ATP8B2: variants seen among roughly 807,000 people sequenced by gnomAD.
ATP8B2 encodes the protein ATPase phospholipid transporting 8B2, also known as phospholipid-transporting ATPase ID.
In ATP8B2, 70 loss-of-function variants were observed where a neutral mutation model predicts 133.4. The ratio of observed to expected loss-of-function variants is 0.52; its 90% CI spans 0.43 to 0.64. The LOEUF is 0.64. Among genes scored for constraint, ATP8B2 ranks in the 30% least tolerant of loss-of-function variants. The probability of loss-of-function intolerance (pLI) is 0.00; values close to 1 mark genes in which losing one functional copy is unlikely to be tolerated. For missense variants in ATP8B2, 1,101 were observed against 1,535.7 expected (o/e 0.72, Z 4.73); for synonymous variants, 517 against 589.5 (o/e 0.88, Z 1.78).
chr1:154,345,730 A>G lies in ATP8B2; in HGVS notation c.2695-70A>G, dbSNP rs1282898538. ...CTTAGGGTTCTCTGTATGTGACATC[A>G]GCTGTCTTCCTGTGCCTGATGTGTA... On this transcript the variant is annotated intron_variant, in intron 23 of 27. Transcript: ENST00000368489. The surrounding 1 kb of genome is among the most constrained non-coding windows in gnomAD (Gnocchi z 5.6). 3 of 1,440,976 alleles carry G rather than the reference A, an allele frequency of 2.1e-6. No homozygotes were observed. The highest frequency in any genetic ancestry group is 2.9e-6 in the Non-Finnish European group (3 of 1,024,462). The allele number at this position is 1,440,976 out of a possible 1,614,324, so 89.3% of individuals were successfully genotyped here.
rs1686432796 is a variant in ATP8B2, at chr1:154,342,856, G to A, written c.1348G>A (p.Asp450Asn). 1 of 1,614,004 alleles carries A rather than the reference G, an allele frequency of 6.2e-7. No homozygotes were observed. The highest frequency in any genetic ancestry group is 1.1e-5 in the South Asian group (1 of 91,084). The part of the protein sequence containing the change: ...PLADKKFLFW[D>N]PSLLEAVKIG... ...GGCTGACAAGAAGTTCTTATTTTGGGACCCCAGCCTGCTGGAGGCTGTCAA... is the reference window on the plus strand; with the variant it reads ...GGCTGACAAGAAGTTCTTATTTTGGAACCCCAGCCTGCTGGAGGCTGTCAA... The change falls in exon 15 of 28, where the codon GAC becomes AAC. Residue 450 changes from aspartate to asparagine, a missense_variant. Transcript: ENST00000368489.
At position 154,328,782 on chromosome 1, in the gene ATP8B2, C is replaced by A; in HGVS notation, c.31+610C>A. On this transcript the variant is annotated intron_variant, in intron 2 of 27. Transcript: ENST00000368489. The surrounding 1 kb of genome is among the most constrained non-coding windows in gnomAD (Gnocchi z 4.6). ...ATCCGCCGGGGGGCATGGGGGGCGG[C>A]GGCGGCGGCGCAGCTGAGCTCGCGG... The A allele has an allele frequency of 1.0e-6, 1 of 1,002,076 alleles. No homozygotes were observed. The highest frequency in any genetic ancestry group is 1.2e-6 in the Non-Finnish European group (1 of 842,254). 62.1% of individuals were successfully genotyped at this position (1,002,076 alleles called of 1,614,324 possible).
chr1:154,344,487 C>T lies in ATP8B2; in HGVS notation c.2128C>T (p.Arg710Trp), dbSNP rs375163330. 6.2e-6 allele frequency: 10 copies of T among 1,614,074 alleles called. No homozygotes were observed. The highest frequency in any genetic ancestry group is 1.3e-5 in the African/African-American group (1 of 74,998). The change falls in exon 20 of 28, where the codon CGG (arginine) becomes TGG (tryptophan). Residue 710 changes from arginine to tryptophan, a missense_variant. By Grantham distance (101) the Arg-to-Trp change is moderately radical. Coordinates refer to ENST00000368489, the MANE Select transcript of ATP8B2 (RefSeq NM_001370597.1). This position sits in a 1 kb window ranked among gnomAD's most constrained non-coding sequence, Gnocchi z 4.1. ...CACTGGCCATACTGTCCTGGAGGTG[C>T]GGGAGGAGCTCAGGTAAACAAGAAG... is the stretch of plus-strand genomic sequence containing the variant. The part of the protein sequence containing the change: ...IVTGHTVLEV[R>W]EELRKAREKM...
chr1:154,333,950 C>G (rs1027122034), intron 9 of ATP8B2, among the ~76,000 whole-genome samples, 157 bp from the exon 10 acceptor site: 15 of 152,224 alleles, frequency 9.9e-5, no homozygotes, highest in African/African-American at 3.6e-4. Context: ...CATTATTTTC[C>G]TGAAGAGTTG....
chr1:154,342,306 C>T (rs1022584393), intron 13 of ATP8B2, among the ~76,000 whole-genome samples, 174 bp from the exon 14 acceptor site: 1 of 152,014 alleles, frequency 6.6e-6, no homozygotes, highest in Admixed American at 6.6e-5. Flanking sequence ...GTGCCTGATG[C>T]CTCCTATCCC....
chr1:154,329,352 G>A (rs1039469116), intron 2 of ATP8B2, among the ~76,000 whole-genome samples: 3 of 152,200 alleles, frequency 2.0e-5, no homozygotes, highest in Non-Finnish European at 2.9e-5. Context: ...TGTTACTGCA[G>A]TGTGCTCTGC....
chr1:154,348,377 C>T, intron 26 of ATP8B2, 31 bp from the exon 27 acceptor site: 1 of 1,583,768 alleles, frequency 6.3e-7, no homozygotes. Flanking sequence ...CCTCGTGACT[C>T]CCAAGGCCAC....
chr1:154,348,872 G>A lies in ATP8B2; in HGVS notation c.3327G>A (p.Gln1109=), dbSNP rs1425626756. 1 of 1,609,782 alleles carries A rather than the reference G, an allele frequency of 6.2e-7. No individual in the cohort carries two copies. Among genetic ancestry groups the A allele is most frequent in the Admixed American group, 1.7e-5 (1 of 59,858 alleles). ...ACACACAGCTCGTGAGGAAGAAGCA[G>A]AAGGCCCAGCACCGCTGCATGCGGC... The part of the protein sequence containing the change: ...VRYTQLVRKK[Q]KAQHRCMRRV... The change falls in exon 28 of 28, where the codon CAG becomes CAA. Residue 1109 remains glutamine, a synonymous_variant. Coordinates refer to ENST00000368489, the MANE Select transcript of ATP8B2 (RefSeq NM_001370597.1).
chr1:154,345,645 C>A lies in ATP8B2; in HGVS notation c.2694+100C>A. 1 of 1,322,946 alleles carries A rather than the reference C, an allele frequency of 7.6e-7. No individual in the cohort carries two copies. Among genetic ancestry groups the A allele is most frequent in the Non-Finnish European group, 1.1e-6 (1 of 942,706 alleles). 82.0% of individuals were successfully genotyped at this position (1,322,946 alleles called of 1,614,324 possible). ...CAGTCCCCCAGGGCCTAGCTATTTTCTGGTACATACTCTTAAAAAATGCTT... is the reference window on the plus strand; with the variant it reads ...CAGTCCCCCAGGGCCTAGCTATTTTATGGTACATACTCTTAAAAAATGCTT... On this transcript the variant is annotated intron_variant, in intron 23 of 27. Coordinates refer to ENST00000368489, the MANE Select transcript of ATP8B2 (RefSeq NM_001370597.1). This position sits in a 1 kb window ranked among gnomAD's most constrained non-coding sequence, Gnocchi z 5.6.
intron 13 of ATP8B2, 149 bp downstream of exon 13, chr1:154,341,211 A>G: frequency 4.9e-6 from 4 of 818,638 alleles, no homozygotes; most frequent in Non-Finnish European, 8.1e-6. Context: ...CTGGCCAGGC[A>G]CGGTGGCTCA....
At position 154,330,458 on chromosome 1, in the gene ATP8B2, A is replaced by T; in HGVS notation, c.90+4A>T. On this transcript the variant is annotated splice_donor_region_variant and intron_variant, in intron 3 of 27. Coordinates refer to ENST00000368489, the MANE Select transcript of ATP8B2 (RefSeq NM_001370597.1). ...CAATGAGAAATTCCAGTATGCGGTAAGCGACTCTAGACCACCTGTTCCCTC... is the reference window on the plus strand; with the variant it reads ...CAATGAGAAATTCCAGTATGCGGTATGCGACTCTAGACCACCTGTTCCCTC... The T allele has an allele frequency of 6.3e-7, 1 of 1,592,666 alleles. No homozygotes were observed. The highest frequency in any genetic ancestry group is 8.6e-7 in the Non-Finnish European group (1 of 1,163,826).
At chr1:154,330,540 G>C (rs1685948637) in intron 3 of ATP8B2, 86 bp downstream of exon 3, 6 of 1,439,746 alleles carry the variant, frequency 4.2e-6, no homozygotes, top group Non-Finnish European at 4.8e-6. Flanking sequence ...ACTGAGGGCT[G>C]CCTGGGAAGA....
In ATP8B2 at chr1:154,344,055, A is replaced by T. The variant is rs949587908; in HGVS notation, c.1921A>T (p.Met641Leu). Residue 641 changes from methionine to leucine, a missense_variant and splice_region_variant, in exon 18 of 28, where the codon ATG becomes TTG. By Grantham distance (15) the Met-to-Leu change is conservative. Transcript: ENST00000368489. The surrounding 1 kb of genome is among the most constrained non-coding windows in gnomAD (Gnocchi z 4.1). Reference protein sequence around the residue: ...SIYEEVENNMMLLGATAIEDK... With the variant: ...SIYEEVENNMLLLGATAIEDK... ...CTATGAGGAGGTTGAGAACAACATG[A>T]TGGTACGGGCTGCGGGACGGGCCAA... 2 of 1,613,948 alleles carry T rather than the reference A, an allele frequency of 1.2e-6. No individual in the cohort carries two copies.
intron 11 of ATP8B2, among the ~76,000 whole-genome samples, chr1:154,336,303 T>C (rs1686176908): frequency 6.6e-6 from 1 of 152,090 alleles, no homozygotes; most frequent in African/African-American, 2.4e-5. Flanking sequence ...TGATAATTGG[T>C]GACAGACTAG....
chr1:154,337,320 C>G (rs1368646723), intron 11 of ATP8B2, 28 bp from the exon 12 acceptor site: 2 of 1,595,182 alleles, frequency 1.3e-6, no homozygotes, highest in African/African-American at 2.7e-5. Flanking sequence ...ACATGTCAGC[C>G]TCGCCTGTGC....
chr1:154,334,460 G>A lies in ATP8B2; in HGVS notation c.749-43G>A, dbSNP rs1328656592. 13 of 1,597,164 alleles carry A rather than the reference G, an allele frequency of 8.1e-6. No individual in the cohort carries two copies. Among genetic ancestry groups the A allele is most frequent in the Non-Finnish European group, 1.1e-5 (13 of 1,164,940 alleles). ...GGATCAGGGCAGAAGCCCAGAGGCA[G>A]ATGTGTTATTTGGCTTTCCCAGCCC... On this transcript the variant is annotated intron_variant, in intron 10 of 27. Transcript: ENST00000368489. This position sits in a 1 kb window ranked among gnomAD's most constrained non-coding sequence, Gnocchi z 4.6.
chr1:154,327,398 C>G (rs966681836), intron 1 of ATP8B2, among the ~76,000 whole-genome samples: 1 of 128,024 alleles, frequency 7.8e-6, no homozygotes, highest in African/African-American at 2.9e-5. Flanking sequence ...AGCCTGCACC[C>G]TGTGCCATAC....
At chr1:154,330,590 C>T in intron 3 of ATP8B2, 136 bp downstream of exon 3, 2 of 915,198 alleles carry the variant, frequency 2.2e-6, no homozygotes, top group Non-Finnish European at 3.4e-6. Flanking sequence ...AGCCACTCTC[C>T]ATCTGCTATC....
At chr1:154,336,826 G>C (rs1686201661) in intron 11 of ATP8B2, among the ~76,000 whole-genome samples, 1 of 126,436 alleles carries the variant, frequency 7.9e-6, no homozygotes, top group Non-Finnish European at 1.6e-5. Context: ...ACAGGTTCTT[G>C]CTCTGTTGCC....
Sources: allele counts gnomAD v4.1 joint callset (sites outside exome capture counted in the v4.1 genomes callset), GRCh38; gene constraint gnomAD v4.1.1; non-coding constraint Gnocchi (gnomAD v3.1); transcripts MANE v1.5; gene names NCBI Gene and HGNC (gene_info 2026-07-23, HGNC 2026-07-21).